Variants in KATNBL1 observed in about 807,000 individuals in gnomAD.
KATNBL1 encodes the protein KATNB1-like protein 1.
KATNBL1 carries 28 observed loss-of-function variants against 44.7 expected under a neutral mutation model. That is an observed-to-expected ratio of 0.63 (90% confidence interval 0.46 to 0.86). The LOEUF (loss-of-function observed/expected upper bound fraction) is 0.86, where lower values mean the gene tolerates loss of function less well. Among genes scored for constraint, KATNBL1 ranks in the 40% least tolerant of loss-of-function variants. The pLI, the probability that KATNBL1 is intolerant of heterozygous loss-of-function variation, is 0.00. For synonymous variants in KATNBL1, 78 were observed against 114.9 expected (o/e 0.68, Z 2.06); for missense variants, 272 against 350.7 (o/e 0.78, Z 1.79).
chr15:34,167,317 CTGATT>C (rs1393336352), intron 1 of KATNBL1, among the ~76,000 whole-genome samples: 3 of 152,008 alleles, frequency 2.0e-5, no homozygotes, highest in Non-Finnish European at 4.4e-5. Context: ...GCTTTAATAG[CTGATT>C]TGATCAAGTG....
chr15:34,167,002 A>G (rs1369116464), intron 1 of KATNBL1, among the ~76,000 whole-genome samples: 2 of 152,236 alleles, frequency 1.3e-5, no homozygotes, highest in Non-Finnish European at 2.9e-5. Context: ...ACCAGAGCAG[A>G]AAGGCTGAAA....
chr15:34,160,860 A>G (rs1888779152), intron 2 of KATNBL1, among the ~76,000 whole-genome samples: 1 of 151,560 alleles, frequency 6.6e-6, no homozygotes, highest in Non-Finnish European at 1.5e-5. Flanking sequence ...CGACTACTGG[A>G]GGTTTGTGTG....
At chr15:34,191,519 C>T (rs1889872092) in intron 1 of KATNBL1, among the ~76,000 whole-genome samples, 1 of 152,008 alleles carries the variant, frequency 6.6e-6, no homozygotes. Flanking sequence ...ACTGTTTTTA[C>T]AGTGATTATA....
chr15:34,156,361 C>T (rs1888638928), intron 2 of KATNBL1, among the ~76,000 whole-genome samples: 1 of 152,188 alleles, frequency 6.6e-6, no homozygotes, highest in African/African-American at 2.4e-5. Context: ...GGAAAAAGAG[C>T]TACCATACAG....
At chr15:34,168,987 G>A (rs1204929710) in intron 1 of KATNBL1, among the ~76,000 whole-genome samples, 1 of 152,094 alleles carries the variant, frequency 6.6e-6, no homozygotes, top group Admixed American at 6.6e-5. Context: ...GAGAAAGCAG[G>A]AAAGATCTAC....
intron 2 of KATNBL1, among the ~76,000 whole-genome samples, chr15:34,162,371 T>C (rs1006857884): frequency 6.6e-6 from 1 of 152,196 alleles, no homozygotes; most frequent in East Asian, 1.9e-4. Flanking sequence ...CTGCCACGTA[T>C]GTAAAATGTG....
chr15:34,146,753 A>G lies in KATNBL1; in HGVS notation c.788+8T>C, dbSNP rs1024348428. On this transcript the variant is annotated splice_region_variant and intron_variant, in intron 8 of 9. Coordinates refer to ENST00000256544, the MANE Select transcript of KATNBL1 (RefSeq NM_024713.3). The stretch of plus-strand genomic sequence containing the variant: ...TCAGCATGAGTTTATCTTTAAAGGT[A>G]TACTCACCCATCATTTATAATTTCT... 3 of 1,506,066 alleles carry G rather than the reference A, an allele frequency of 2.0e-6. No individual in the cohort carries two copies. Among genetic ancestry groups the G allele is most frequent in the African/African-American group, 1.4e-5 (1 of 72,826 alleles). 93.3% of individuals were successfully genotyped at this position (1,506,066 alleles called of 1,614,324 possible).
rs548417022 is a variant in KATNBL1 at position 34,188,842 on chromosome 15, A to C, written c.-15+21109T>G. Reference sequence around the variant, plus strand: ...AACTCCCCAAAGAAGTAAGCCCAGCATTATAACTGACTGTCAGCTGCTTTT... The same window carrying C: ...AACTCCCCAAAGAAGTAAGCCCAGCCTTATAACTGACTGTCAGCTGCTTTT... On this transcript the variant is annotated intron_variant, in intron 1 of 9. Coordinates refer to ENST00000256544, the MANE Select transcript of KATNBL1 (RefSeq NM_024713.3). Among the ~76,000 whole-genome samples, 5 of 152,362 alleles carry C rather than the reference A, an allele frequency of 3.3e-5. No individual in the cohort carries two copies. The East Asian group carries it at 9.6e-4, about 29-fold the overall frequency.
At chr15:34,181,467 ATAAT>A (rs371269365) in intron 1 of KATNBL1, among the ~76,000 whole-genome samples, 10 of 151,466 alleles carry the variant, frequency 6.6e-5, no homozygotes, top group Non-Finnish European at 1.2e-4. Flanking sequence ...GAAGGTCTTC[ATAAT>A]TAGAGACATT....
intron 1 of KATNBL1, among the ~76,000 whole-genome samples, chr15:34,191,602 G>C (rs1034817414): frequency 6.6e-6 from 1 of 152,044 alleles, no homozygotes; most frequent in Non-Finnish European, 1.5e-5. Context: ...ATTTTTAGTT[G>C]AATGGTAGTG....
At chr15:34,147,102 T>C (rs1888331957) in intron 7 of KATNBL1, 98 bp downstream of exon 7, 1 of 723,656 alleles carries the variant, frequency 1.4e-6, no homozygotes, top group African/African-American at 1.8e-5. Flanking sequence ...ACAGAAACCT[T>C]GCATGTCTCA....
At chr15:34,178,748 T>G (rs1357839338) in intron 1 of KATNBL1, among the ~76,000 whole-genome samples, 6 of 82,248 alleles carry the variant, frequency 7.3e-5, no homozygotes, top group African/African-American at 2.8e-4. Context: ...AGAGCAAGAC[T>G]CTGTCTCAAA....
chr15:34,207,312 G>T (rs1330575213), intron 1 of KATNBL1, among the ~76,000 whole-genome samples: 1 of 152,032 alleles, frequency 6.6e-6, no homozygotes. Flanking sequence ...GGGTTCAACC[G>T]ATTCTCCTGC....
At chr15:34,184,139 T>A (rs564544036) in intron 1 of KATNBL1, among the ~76,000 whole-genome samples, 7 of 152,092 alleles carry the variant, frequency 4.6e-5, no homozygotes, top group African/African-American at 1.7e-4. Flanking sequence ...CCGTCTCTAC[T>A]GAAAAAATAC....
chr15:34,143,956 G>C (rs1888231884), intron 9 of KATNBL1, among the ~76,000 whole-genome samples: 1 of 90,246 alleles, frequency 1.1e-5, no homozygotes, highest in South Asian at 4.8e-4. Flanking sequence ...GACAGAGCGA[G>C]ATTCCATCTC....
At chr15:34,198,754 TG>T (rs2140998218) in intron 1 of KATNBL1, among the ~76,000 whole-genome samples, 1 of 152,322 alleles carries the variant, frequency 6.6e-6, no homozygotes, top group South Asian at 2.1e-4. Context: ...CTTTTTTAGG[TG>T]TATTTGGTCA....
intron 1 of KATNBL1, among the ~76,000 whole-genome samples, chr15:34,205,119 G>A (rs1390834005): frequency 1.3e-5 from 2 of 151,548 alleles, no homozygotes; most frequent in African/African-American, 4.9e-5. Flanking sequence ...TCAGCCTCCT[G>A]AGTAGCTGGG....
At chr15:34,209,534 A>G (rs1304242621) in intron 1 of KATNBL1, 1 of 152,148 alleles carries the variant, frequency 6.6e-6, no homozygotes, top group African/African-American at 2.4e-5. Context: ...GAATCCGAGG[A>G]CCCGTCGGAA....
intron 3 of KATNBL1, among the ~76,000 whole-genome samples, chr15:34,153,654 T>C (rs1014920344): frequency 2.0e-5 from 3 of 151,974 alleles, no homozygotes; most frequent in African/African-American, 4.8e-5. Flanking sequence ...CACTGCAACC[T>C]CCACCTCCCA....
Sources: gnomAD v4.1 joint callset for allele counts (sites outside exome capture counted in the v4.1 genomes callset) on GRCh38, gnomAD v4.1.1 for gene constraint, MANE v1.5 for transcripts, NCBI Gene and HGNC (gene_info 2026-07-23, HGNC 2026-07-21) for gene names.